RAB11FIP4: variants seen among roughly 807,000 people sequenced by gnomAD.
RAB11FIP4 encodes rab11 family-interacting protein 4.
Under a neutral mutation model 74.3 loss-of-function variants are expected in RAB11FIP4, and 23 were observed. The observed-to-expected ratio is 0.31, with a 90% CI of 0.22 to 0.44. The LOEUF is 0.44. RAB11FIP4 is among the 20% of genes least tolerant of loss of function. RAB11FIP4 has a pLI of 1.00. For missense variants in RAB11FIP4, 630 were observed against 863.9 expected (o/e 0.73, Z 3.39); for synonymous variants, 360 against 359.9 (o/e 1.00, Z 0.00).
chr17:31,441,127 C>T lies in RAB11FIP4; in HGVS notation c.336+7005C>T, dbSNP rs533251837. 3.9e-5 allele frequency among the ~76,000 whole-genome samples: 6 copies of T among 152,054 alleles called. No individual in the cohort carries two copies. In the East Asian group the frequency reaches 1.2e-3, roughly 30 times the overall value. ...GCAACCTCTGCCTCCCAGGTCCAAG[C>T]GATTCCCCTGCCTCAGCCTCCCTAG... On this transcript the variant is annotated intron_variant, in intron 3 of 14. Transcript: ENST00000621161.
chr17:31,519,431 G>A (rs758386923), intron 4 of RAB11FIP4, among the ~76,000 whole-genome samples: 5 of 152,176 alleles, frequency 3.3e-5, no homozygotes, highest in African/African-American at 7.2e-5. Context: ...ACTTCCCAGT[G>A]AAGCAGTTTC....
At chr17:31,522,582 T>A (rs531770409) in intron 7 of RAB11FIP4, 187 bp downstream of exon 7, 5 of 590,488 alleles carry the variant, frequency 8.5e-6, no homozygotes, top group East Asian at 2.9e-5. Context: ...GGCCAGCTCC[T>A]CCCTGCTCTC....
intron 1 of RAB11FIP4, among the ~76,000 whole-genome samples, chr17:31,400,766 C>T (rs1021385355): frequency 3.9e-5 from 6 of 152,166 alleles, no homozygotes; most frequent in Non-Finnish European, 5.9e-5. Context: ...GGTGAGGACT[C>T]GGGAGCTCCA....
At chr17:31,404,099 G>A (rs922705622) in intron 1 of RAB11FIP4, among the ~76,000 whole-genome samples, 3 of 152,210 alleles carry the variant, frequency 2.0e-5, no homozygotes, top group South Asian at 2.1e-4. Context: ...GCATTTCTCT[G>A]ACTGCTCCGA....
intron 1 of RAB11FIP4, among the ~76,000 whole-genome samples, chr17:31,401,618 C>T (rs577012720): frequency 1.3e-5 from 2 of 152,238 alleles, no homozygotes; most frequent in Non-Finnish European, 2.9e-5. Context: ...AGGCGCAAAA[C>T]CCGGAGAAGA....
In RAB11FIP4 at chr17:31,533,883, C is replaced by G. The variant is rs982603317; in HGVS notation, c.*2151C>G. On this transcript the variant is annotated 3_prime_UTR_variant, in exon 15 of 15. Transcript: ENST00000621161. The stretch of plus-strand genomic sequence containing the variant: ...TGCAGTGCCAGAGGGGCCTCTGGAG[C>G]AGGCCTGGCTTTTAAATGGGGGGCT... 2 of 152,176 alleles carry G rather than the reference C, an allele frequency of 1.3e-5. No individual in the cohort carries two copies. The highest frequency in any genetic ancestry group is 4.8e-5 in the African/African-American group (2 of 41,442). The allele number at this position is 152,176 out of a possible 1,614,324, so 9.4% of individuals were successfully genotyped here.
chr17:31,471,014 T>C (rs2071731071), intron 3 of RAB11FIP4, among the ~76,000 whole-genome samples: 1 of 152,220 alleles, frequency 6.6e-6, no homozygotes, highest in South Asian at 2.1e-4. Context: ...GGTTAAAAGC[T>C]GAAGGAAATG....
At chr17:31,461,967 T>C (rs1470948547) in intron 3 of RAB11FIP4, among the ~76,000 whole-genome samples, 2 of 152,010 alleles carry the variant, frequency 1.3e-5, no homozygotes, top group African/African-American at 4.8e-5. Context: ...TGGGGAGCTT[T>C]AAAAACTAAT....
chr17:31,494,554 T>C (rs2072077613), intron 3 of RAB11FIP4, among the ~76,000 whole-genome samples: 1 of 152,138 alleles, frequency 6.6e-6, no homozygotes, highest in South Asian at 2.1e-4. Context: ...AAAAACTCCA[T>C]TACTCAAGGG....
At chr17:31,404,557 C>T (rs539552904) in intron 1 of RAB11FIP4, among the ~76,000 whole-genome samples, 30 of 152,354 alleles carry the variant, frequency 2.0e-4, no homozygotes, top group Non-Finnish European at 4.1e-4. Context: ...CAAAACGACA[C>T]GTGACATAGT....
At chr17:31,443,422 G>A (rs1012960074) in intron 3 of RAB11FIP4, among the ~76,000 whole-genome samples, 1 of 151,970 alleles carries the variant, frequency 6.6e-6, no homozygotes, top group African/African-American at 2.4e-5. Context: ...ATGCTTTCCC[G>A]CCCAAGATTG....
At chr17:31,420,901 T>A (rs1414862666) in intron 1 of RAB11FIP4, among the ~76,000 whole-genome samples, 1 of 152,060 alleles carries the variant, frequency 6.6e-6, no homozygotes, top group Non-Finnish European at 1.5e-5. Flanking sequence ...CTGACCCATA[T>A]GAAGAAACCC....
intron 3 of RAB11FIP4, among the ~76,000 whole-genome samples, chr17:31,462,564 C>T (rs1417178720): frequency 6.6e-6 from 1 of 152,166 alleles, no homozygotes; most frequent in Non-Finnish European, 1.5e-5. Context: ...ACTCAGTTTC[C>T]TAGCACCAGC....
chr17:31,527,602 A>C, intron 10 of RAB11FIP4: 1 of 476,810 alleles, frequency 2.1e-6, no homozygotes, highest in Non-Finnish European at 3.6e-6. Flanking sequence ...TCAAAAAAAA[A>C]AGAAAGAAAA....
At chr17:31,523,379 A>G (rs1220119261) in intron 7 of RAB11FIP4, 133 bp from the exon 8 acceptor site, 2 of 732,652 alleles carry the variant, frequency 2.7e-6, no homozygotes, top group Non-Finnish European at 4.9e-6. Context: ...TCTTCCTCTC[A>G]GGCTGAGTGA....
intron 1 of RAB11FIP4, among the ~76,000 whole-genome samples, chr17:31,430,802 G>A (rs1222814732): frequency 6.6e-6 from 1 of 152,188 alleles, no homozygotes; most frequent in African/African-American, 2.4e-5. Context: ...CCTGAGAGGT[G>A]TGGGAAATGA....
At position 31,508,417 on chromosome 17, in the gene RAB11FIP4, C is replaced by A. The variant is rs1017157785; in HGVS notation, c.337-9234C>A. Among the ~76,000 whole-genome samples, 5 of 152,246 alleles carry A rather than the reference C, an allele frequency of 3.3e-5. No individual in the cohort carries two copies. The East Asian group carries it at 9.6e-4, about 29-fold the overall frequency. ...CCCCTTGTGGTGAGAAATGCACTCACATGAGCTTGGGCAGCCCTTCTCTCC... is the reference window on the plus strand; with the variant it reads ...CCCCTTGTGGTGAGAAATGCACTCAAATGAGCTTGGGCAGCCCTTCTCTCC... On this transcript the variant is annotated intron_variant, in intron 3 of 14. Coordinates refer to ENST00000621161, the MANE Select transcript of RAB11FIP4 (RefSeq NM_032932.6).
intron 3 of RAB11FIP4, among the ~76,000 whole-genome samples, chr17:31,493,881 G>A (rs1007489311): frequency 1.3e-5 from 2 of 152,144 alleles, no homozygotes; most frequent in East Asian, 3.9e-4. Flanking sequence ...GGTTTAGTCT[G>A]TCCAGTTTAG....
Position 31,480,388 on chromosome 17 carries a change from A to G in RAB11FIP4, c.337-37263A>G, listed in dbSNP as rs562530865. ...AGGTAGGACATTGAGCATGGTCAAG[A>G]AAGGCTGTTTTGGCCAGAGAGTGGA... On this transcript the variant is annotated intron_variant, in intron 3 of 14. Transcript: ENST00000621161. 1.6e-3 allele frequency among the ~76,000 whole-genome samples: 241 copies of G among 152,270 alleles called. 1 individual carries two copies. Among genetic ancestry groups the G allele is most frequent in the Non-Finnish European group, 2.9e-3 (199 of 68,022 alleles).
Sources: allele counts gnomAD v4.1 joint callset (sites outside exome capture counted in the v4.1 genomes callset), GRCh38; gene constraint gnomAD v4.1.1; transcripts MANE v1.5; gene names NCBI Gene and HGNC (gene_info 2026-07-23, HGNC 2026-07-21).